MRTFB: variants seen among roughly 807,000 people sequenced by gnomAD.
The protein encoded by MRTFB is myocardin-related transcription factor B.
A neutral mutation model predicts 104.2 loss-of-function variants in MRTFB; 29 were observed. The observed-to-expected ratio is 0.28, with a 90% CI of 0.21 to 0.38. MRTFB has a LOEUF of 0.38. Ranked by LOEUF, MRTFB falls within the 10% of genes least tolerant of loss-of-function variation. The pLI, the probability that MRTFB is intolerant of heterozygous loss-of-function variation, is 1.00. For missense variants in MRTFB, 1,270 were observed against 1,341.6 expected (o/e 0.95, Z 0.83); for synonymous variants, 535 against 519.5 (o/e 1.03, Z -0.41).
At chr16:14,020,074 T>C in the MRTFB span, among the ~76,000 whole-genome samples, 1 of 152,174 alleles carries the variant, frequency 6.6e-6, no homozygotes, top group African/African-American at 2.4e-5. Flanking sequence ...TAAAGTATAT[T>C]CACCCTGTCT....
At chr16:14,014,299 A>G in the MRTFB span, among the ~76,000 whole-genome samples, 2 of 151,714 alleles carry the variant, frequency 1.3e-5, no homozygotes, top group African/African-American at 4.8e-5. Context: ...TAATCCCAGC[A>G]CTTTGGGGAG....
intron 2 of MRTFB, among the ~76,000 whole-genome samples, chr16:14,130,777 C>G (rs2037398567): frequency 6.6e-6 from 1 of 150,510 alleles, no homozygotes; most frequent in African/African-American, 2.5e-5. Flanking sequence ...GCTGGGGAGG[C>G]CTCAGGAAAC....
intron 3 of MRTFB, chr16:14,170,523 T>C (rs1382844942): frequency 2.0e-5 from 3 of 152,244 alleles, no homozygotes; most frequent in African/African-American, 7.2e-5. Flanking sequence ...TCAATGGCTA[T>C]ACAATATCAT....
intron 8 of MRTFB, among the ~76,000 whole-genome samples, chr16:14,229,842 G>T (rs143248560): frequency 6.6e-6 from 1 of 151,838 alleles, no homozygotes; most frequent in East Asian, 1.9e-4. Flanking sequence ...TCTGGCCCTC[G>T]TGAGACCTGT....
At chr16:14,210,626 C>G (rs1263653788) in intron 4 of MRTFB, among the ~76,000 whole-genome samples, 1 of 152,134 alleles carries the variant, frequency 6.6e-6, no homozygotes, top group Non-Finnish European at 1.5e-5. Context: ...AATCACTATA[C>G]TAATGGATTT....
At chr16:14,102,083 A>G (rs755740601) in intron 2 of MRTFB, among the ~76,000 whole-genome samples, 45 of 152,186 alleles carry the variant, frequency 3.0e-4, no homozygotes, top group Admixed American at 4.6e-4. Context: ...TCAAATGGCC[A>G]TGAGGGCAGA....
chr16:14,012,119 GA>G, the MRTFB span, among the ~76,000 whole-genome samples: 1 of 152,042 alleles, frequency 6.6e-6, no homozygotes, highest in Non-Finnish European at 1.5e-5. Flanking sequence ...AAGTGGGAGG[GA>G]AAAGTGAAAA....
the MRTFB span, chr16:14,015,937 C>G: frequency 2.5e-6 from 1 of 398,696 alleles, no homozygotes; most frequent in South Asian, 1.3e-4. Context: ...CTTATGCATC[C>G]AGAGACTAGG....
At chr16:14,062,291 G>T in the MRTFB span, among the ~76,000 whole-genome samples, 2 of 151,906 alleles carry the variant, frequency 1.3e-5, no homozygotes, top group African/African-American at 4.8e-5. Context: ...TAGAGATGAG[G>T]GTCTCGCTAT....
At chr16:14,131,552 A>G (rs183076070) in intron 2 of MRTFB, among the ~76,000 whole-genome samples, 2 of 152,338 alleles carry the variant, frequency 1.3e-5, no homozygotes, top group Admixed American at 1.3e-4. Flanking sequence ...TTGCAAATCT[A>G]TAAGGATCTG....
the MRTFB span, among the ~76,000 whole-genome samples, chr16:14,016,609 C>G: frequency 6.6e-6 from 1 of 151,870 alleles, no homozygotes; most frequent in Non-Finnish European, 1.5e-5. Context: ...GCTGTCTCTA[C>G]TAAAAATACA....
At chr16:14,034,860 G>T in the MRTFB span, among the ~76,000 whole-genome samples, 1 of 152,084 alleles carries the variant, frequency 6.6e-6, no homozygotes, top group African/African-American at 2.4e-5. Flanking sequence ...CCCCTAACAG[G>T]CCTGTTCAGC....
At chr16:14,117,168 T>C (rs777681106) in intron 2 of MRTFB, among the ~76,000 whole-genome samples, 23 of 152,260 alleles carry the variant, frequency 1.5e-4, no homozygotes, top group Non-Finnish European at 2.2e-4. Flanking sequence ...GCCTTAGAGT[T>C]ACAGGCCACA....
intron 3 of MRTFB, chr16:14,143,272 A>G (rs1175433663): frequency 1.3e-5 from 2 of 151,846 alleles, no homozygotes; most frequent in Non-Finnish European, 2.9e-5. Context: ...CAGTCAAAAT[A>G]CCACACAGAA....
upstream of MRTFB, among the ~76,000 whole-genome samples, chr16:14,066,624 G>A (rs187599044): frequency 6.6e-6 from 1 of 151,702 alleles, no homozygotes; most frequent in Non-Finnish European, 1.5e-5. Context: ...TGGACTTGAT[G>A]GAAACCATAC....
At chr16:14,036,970 T>TA in the MRTFB span, among the ~76,000 whole-genome samples, 1 of 151,696 alleles carries the variant, frequency 6.6e-6, no homozygotes, top group Non-Finnish European at 1.5e-5. Flanking sequence ...CTCACTTTTT[T>TA]TTTTCTAGAG....
At chr16:13,995,255 G>C in the MRTFB span, among the ~76,000 whole-genome samples, 13 of 152,092 alleles carry the variant, frequency 8.5e-5, no homozygotes, top group African/African-American at 3.1e-4. Flanking sequence ...GCAGAAACTG[G>C]GGTCAGGTTA....
the MRTFB span, among the ~76,000 whole-genome samples, chr16:14,042,908 T>A: frequency 6.6e-6 from 1 of 152,178 alleles, no homozygotes; most frequent in Non-Finnish European, 1.5e-5. Flanking sequence ...TGCTTTCCAC[T>A]GGCTTTGTTT....
At chr16:14,079,550 C>G (rs1306940317) in intron 2 of MRTFB, among the ~76,000 whole-genome samples, 196 bp downstream of exon 2, 3 of 152,092 alleles carry the variant, frequency 2.0e-5, no homozygotes, top group Non-Finnish European at 4.4e-5. Context: ...CGTTCTCAAC[C>G]TCTTCGAATC....
Sources: gnomAD v4.1 joint callset for allele counts (sites outside exome capture counted in the v4.1 genomes callset) on GRCh38, gnomAD v4.1.1 for gene constraint, MANE v1.5 for transcripts, NCBI Gene and HGNC (gene_info 2026-07-23, HGNC 2026-07-21) for gene names.